DNAJA3: variants seen among roughly 807,000 people sequenced by gnomAD.
DNAJA3 encodes dnaJ homolog subfamily A member 3, mitochondrial.
In DNAJA3, 29 loss-of-function variants were observed where a neutral mutation model predicts 54.9. The ratio of observed to expected loss-of-function variants is 0.53; its 90% CI spans 0.39 to 0.72. The LOEUF is 0.72. Among genes scored for constraint, DNAJA3 ranks in the 30% least tolerant of loss-of-function variants. The pLI is 0.00. For synonymous variants in DNAJA3, 302 were observed against 251.4 expected, an observed-to-expected ratio of 1.20 and a Z score of -1.90; for missense variants, 708 against 639.4, an observed-to-expected ratio of 1.11 and a Z score of -1.16.
rs761220146 is a variant in DNAJA3 at position 4,442,427 on chromosome 16, C to A, written c.783+7C>A. ...CTGTGGCGGCTCCGGCATGGTAAGG[C>A]TCTGCCCGAGACTCCACCTCCCACG... On this transcript the variant is annotated splice_region_variant and intron_variant, in intron 5 of 11. Transcript: ENST00000262375. 1.9e-6 allele frequency: 3 copies of A among 1,587,078 alleles called. No homozygotes were observed. The Admixed American group carries it at 5.3e-5, about 28-fold the overall frequency.
chr16:4,432,446 G>T (rs148782730), intron 1 of DNAJA3, among the ~76,000 whole-genome samples: 1 of 151,010 alleles, frequency 6.6e-6, no homozygotes, highest in East Asian at 2.0e-4. Flanking sequence ...AGGTTCAAGC[G>T]ATTCTCTTGC....
intron 1 of DNAJA3, among the ~76,000 whole-genome samples, chr16:4,427,860 T>C (rs1037502132): frequency 6.6e-6 from 1 of 152,008 alleles, no homozygotes; most frequent in Non-Finnish European, 1.5e-5. Context: ...GGTTTCACCA[T>C]GTTACCCAGG....
chr16:4,441,313 T>C, intron 3 of DNAJA3, 62 bp from the exon 4 acceptor site: 3 of 1,472,416 alleles, frequency 2.0e-6, no homozygotes, highest in South Asian at 2.4e-5. Flanking sequence ...CTGTGAACTC[T>C]TGTCTGTATT....
At chr16:4,443,932 C>T (rs1247025156) in intron 6 of DNAJA3, among the ~76,000 whole-genome samples, 2 of 152,158 alleles carry the variant, frequency 1.3e-5, no homozygotes, top group Non-Finnish European at 2.9e-5. Flanking sequence ...GTGATCCACC[C>T]GCCTCGGCTT....
rs1039120086 is a variant in DNAJA3, at chr16:4,425,889, C to T, written c.8C>T (p.Ala3Val). MAARCSTRWLLVV... is the reference protein window; with the variant it reads MAVRCSTRWLLVV... The stretch of plus-strand genomic sequence containing the variant: ...CAGAGTCCCCGGGCCAAGATGGCTG[C>T]GCGGTGCTCCACACGCTGGTTGCTG... Residue 3 changes from alanine to valine, a missense_variant, in exon 1 of 12, where the codon GCG becomes GTG. Coordinates refer to ENST00000262375, the MANE Select transcript of DNAJA3 (RefSeq NM_005147.6). 42 of 1,533,774 alleles carry T rather than the reference C, an allele frequency of 2.7e-5. No individual in the cohort carries two copies. The highest frequency in any genetic ancestry group is 2.3e-4 in the Middle Eastern group (1 of 4,420).
chr16:4,439,455 G>A (rs543851362), intron 3 of DNAJA3, among the ~76,000 whole-genome samples: 285 of 152,130 alleles, frequency 1.9e-3, no homozygotes, highest in Non-Finnish European at 3.4e-3. Flanking sequence ...TTGGGCTCAA[G>A]CAGTTTTCCT....
Position 4,425,926 on chromosome 16 carries a change from G to C in DNAJA3, c.45G>C (p.Gly15=). 6.4e-7 allele frequency: 1 copy of C among 1,551,016 alleles called. No homozygotes were observed. Among genetic ancestry groups the C allele is most frequent in the South Asian group, 1.2e-5 (1 of 84,510 alleles). Residue 15 remains glycine (G), a synonymous_variant, in exon 1 of 12, where the codon GGG becomes GGC. Coordinates refer to ENST00000262375, the MANE Select transcript of DNAJA3 (RefSeq NM_005147.6). ...CSTRWLLVVV[G]TPRLPAISGR... ...CACGCTGGTTGCTGGTGGTTGTGGG[G>C]ACCCCGCGGCTGCCGGCTATATCGG...
intron 1 of DNAJA3, among the ~76,000 whole-genome samples, chr16:4,432,764 A>C (rs916362911): frequency 6.6e-6 from 1 of 152,004 alleles, no homozygotes; most frequent in South Asian, 2.1e-4. Context: ...TGAACCCAGC[A>C]GGCGGAGGTT....
chr16:4,434,270 A>G (rs2141373439), intron 1 of DNAJA3, 114 bp from the exon 2 acceptor site: 2 of 1,254,018 alleles, frequency 1.6e-6, no homozygotes, highest in East Asian at 4.7e-5. Context: ...GACACAGCCA[A>G]ACCTTATCAG....
intron 6 of DNAJA3, among the ~76,000 whole-genome samples, chr16:4,444,206 T>C (rs2056873945): frequency 6.6e-6 from 1 of 152,182 alleles, no homozygotes; most frequent in South Asian, 2.1e-4. Context: ...CCCATGTGCC[T>C]CTTAGATAAT....
At position 4,450,285 on chromosome 16, in the gene DNAJA3, C is replaced by T. The variant is rs191790369; in HGVS notation, c.1242-115C>T. On this transcript the variant is annotated intron_variant, in intron 9 of 11. Coordinates refer to ENST00000262375, the MANE Select transcript of DNAJA3 (RefSeq NM_005147.6). Reference sequence around the variant, plus strand: ...GCTGCACTGGCTCAGGGTGTCCGCCCCTGCCAAGGTTGGGTCCCTCTCTTC... The same window carrying T: ...GCTGCACTGGCTCAGGGTGTCCGCCTCTGCCAAGGTTGGGTCCCTCTCTTC... 804 of 758,280 alleles carry T rather than the reference C, an allele frequency of 1.1e-3. 3 individuals carry two copies. Among genetic ancestry groups the T allele is most frequent in the Non-Finnish European group, 1.3e-3 (626 of 468,338 alleles). The allele number at this position is 758,280 out of a possible 1,614,324, so 47.0% of individuals were successfully genotyped here. A position where few individuals can be genotyped will look rare whatever the true frequency, so the allele number is the denominator to read the frequency against.
chr16:4,439,703 A>G (rs572695844), intron 3 of DNAJA3, among the ~76,000 whole-genome samples: 2 of 152,306 alleles, frequency 1.3e-5, no homozygotes, highest in East Asian at 3.9e-4. Context: ...ACCTAAGAGC[A>G]GCAATTCCTT....
intron 1 of DNAJA3, among the ~76,000 whole-genome samples, chr16:4,430,268 A>G (rs2056680325): frequency 6.6e-6 from 1 of 151,938 alleles, no homozygotes; most frequent in Non-Finnish European, 1.5e-5. Context: ...TCCAAGCAGA[A>G]AGAAAGCAGT....
At chr16:4,433,532 A>G (rs770650756) in intron 1 of DNAJA3, 1 of 152,204 alleles carries the variant, frequency 6.6e-6, no homozygotes, top group Non-Finnish European at 1.5e-5. Flanking sequence ...GGGCTTGAAC[A>G]TCTGTGTTTT....
At position 4,442,413 on chromosome 16, in the gene DNAJA3, C is replaced by T. The variant is rs138339384; in HGVS notation, c.776C>T (p.Ser259Phe). The T allele has an allele frequency of 6.3e-7, 1 of 1,597,180 alleles. No homozygotes were observed. Among genetic ancestry groups the T allele is most frequent in the African/African-American group, 1.3e-5 (1 of 74,276 alleles). ...CAGCATTGCCACTACTGTGGCGGCT[C>T]CGGCATGGTAAGGCTCTGCCCGAGA... ...KVQHCHYCGGSGMETINTGPF... is the reference protein window; with the variant it reads ...KVQHCHYCGGFGMETINTGPF... Residue 259 changes from serine to phenylalanine, a missense_variant, in exon 5 of 12, where the codon TCC becomes TTC. Transcript: ENST00000262375.
chr16:4,432,033 A>G (rs1003774598), intron 1 of DNAJA3, among the ~76,000 whole-genome samples: 1 of 151,614 alleles, frequency 6.6e-6, no homozygotes, highest in Non-Finnish European at 1.5e-5. Context: ...TCTAACCACC[A>G]CTACCACCAC....
At chr16:4,453,630 C>T (rs6500607) in intron 10 of DNAJA3, among the ~76,000 whole-genome samples, 87,758 of 151,812 alleles carry the variant, frequency 0.58, 27,140 homozygotes, top group Non-Finnish European at 0.69. Flanking sequence ...AGATGGGTTT[C>T]ACCATGTTCG....
intron 4 of DNAJA3, 39 bp downstream of exon 4, chr16:4,441,614 CTA>C: frequency 1.2e-6 from 2 of 1,604,834 alleles, no homozygotes; most frequent in Non-Finnish European, 1.7e-6. Flanking sequence ...AAATTTTAGA[CTA>C]AGTATGGGTC....
At position 4,453,631 on chromosome 16, in the gene DNAJA3, A is replaced by C. The variant is rs901740127; in HGVS notation, c.1340-1180A>C. 2.0e-5 allele frequency among the ~76,000 whole-genome samples: 3 copies of C among 151,864 alleles called. No homozygotes were observed. In the East Asian group the frequency reaches 5.8e-4, roughly 30 times the overall value. ...TTGTATTTTAGTAGAGATGGGTTTC[A>C]CCATGTTCGAGGCCGGTCTCGAACT... On this transcript the variant is annotated intron_variant, in intron 10 of 11. Transcript: ENST00000262375.
Sources: gnomAD v4.1 joint callset for allele counts (sites outside exome capture counted in the v4.1 genomes callset) on GRCh38, gnomAD v4.1.1 for gene constraint, MANE v1.5 for transcripts, NCBI Gene and HGNC (gene_info 2026-07-23, HGNC 2026-07-21) for gene names.